Variants in TRPM8 observed in about 807,000 individuals in gnomAD.
The protein encoded by TRPM8 is TRPM8 cationic channel.
Under a neutral mutation model 133.7 loss-of-function variants are expected in TRPM8, and 110 were observed. The observed-to-expected ratio is 0.82, with a 90% CI of 0.70 to 0.96. The LOEUF (loss-of-function observed/expected upper bound fraction) is 0.96, where lower values mean the gene tolerates loss of function less well. TRPM8 is among the 40% of genes least tolerant of loss of function. TRPM8 has a pLI of 0.00. For synonymous variants in TRPM8, 535 were observed against 532.3 expected, an observed-to-expected ratio of 1.01 and a Z score of -0.07; for missense variants, 1,291 against 1,379.5, an observed-to-expected ratio of 0.94 and a Z score of 1.02.
chr2:233,980,154 G>T, intron 17 of TRPM8, 34 bp from the exon 18 acceptor site: 1 of 1,390,052 alleles, frequency 7.2e-7, no homozygotes. Flanking sequence ...TTTCCAAGCT[G>T]CTGATGTCCC....
chr2:233,962,309 G>A (rs1574730022), intron 12 of TRPM8, among the ~76,000 whole-genome samples: 1 of 152,268 alleles, frequency 6.6e-6, no homozygotes. Flanking sequence ...ACCCCCACTT[G>A]AAGGAGCTGA....
chr2:233,967,303 C>T (rs746182818), intron 15 of TRPM8, among the ~76,000 whole-genome samples: 7 of 152,202 alleles, frequency 4.6e-5, no homozygotes, highest in Non-Finnish European at 1.0e-4. Flanking sequence ...GTGAATGAAT[C>T]GTAGTTTGCA....
intron 19 of TRPM8, 117 bp from the exon 20 acceptor site, chr2:233,982,936 T>C (rs1559540792): frequency 9.0e-7 from 1 of 1,116,004 alleles, no homozygotes; most frequent in South Asian, 1.5e-5. Context: ...GTGACTTAGA[T>C]GCTCTGAGCC....
At chr2:234,005,106 T>C (rs1692660755) in intron 22 of TRPM8, among the ~76,000 whole-genome samples, 1 of 152,244 alleles carries the variant, frequency 6.6e-6, no homozygotes, top group Non-Finnish European at 1.5e-5. Context: ...TTGAGTTATT[T>C]CTAAAGAGAA....
intron 24 of TRPM8, among the ~76,000 whole-genome samples, chr2:234,011,804 C>T (rs1325139319): frequency 6.7e-6 from 1 of 149,824 alleles, no homozygotes. Context: ...GTAGTCCCAG[C>T]TACTCTGGAG....
At chr2:233,974,045 T>C (rs940290338) in intron 17 of TRPM8, among the ~76,000 whole-genome samples, 1 of 152,114 alleles carries the variant, frequency 6.6e-6, no homozygotes, top group African/African-American at 2.4e-5. Flanking sequence ...AGCTTAGCTT[T>C]TGCAAGAGGG....
At position 234,017,451 on chromosome 2, in the gene TRPM8, G is replaced by A. The variant is rs893617596; in HGVS notation, c.*195G>A. Reference sequence around the variant, plus strand: ...GTGATTGGTTTCATACTTGAAGACGGATATAAAGGAAGAATATTTCCTTTA... The same window carrying A: ...GTGATTGGTTTCATACTTGAAGACGAATATAAAGGAAGAATATTTCCTTTA... On this transcript the variant is annotated 3_prime_UTR_variant, in exon 26 of 26. Coordinates refer to ENST00000324695, the MANE Select transcript of TRPM8 (RefSeq NM_024080.5). 2.5e-5 allele frequency: 11 copies of A among 446,280 alleles called. No individual in the cohort carries two copies. The highest frequency in any genetic ancestry group is 5.1e-5 in the Non-Finnish European group (11 of 217,096). The allele number at this position is 446,280 out of a possible 1,614,324, so 27.6% of individuals were successfully genotyped here.
chr2:233,974,985 T>C (rs115203020), intron 17 of TRPM8, among the ~76,000 whole-genome samples: 1 of 152,012 alleles, frequency 6.6e-6, no homozygotes, highest in African/African-American at 2.4e-5. Flanking sequence ...ACTTACTGAA[T>C]TTTTTTTGAC....
At position 233,939,144 on chromosome 2, in the gene TRPM8, C is replaced by A. The variant is rs1690839211; in HGVS notation, c.495C>A (p.Phe165Leu). ...FALKPRMRKIFSRLIYIAQSK... is the reference protein window; with the variant it reads ...FALKPRMRKILSRLIYIAQSK... ...TGAAGCCGCGCATGCGCAAGATCTT[C>A]AGCCGGCTCATCTACATCGCGCAGT... is the stretch of plus-strand genomic sequence containing the variant. The change falls in exon 5 of 26, where the codon TTC (phenylalanine) becomes TTA (leucine). Residue 165 changes from phenylalanine to leucine, a missense_variant. Phe to Leu is a conservative substitution (Grantham distance 22, BLOSUM62 0). Transcript: ENST00000324695. The A allele has an allele frequency of 6.2e-7, 1 of 1,614,014 alleles. No homozygotes were observed. Among genetic ancestry groups the A allele is most frequent in the Admixed American group, 1.7e-5 (1 of 60,012 alleles).
intron 3 of TRPM8, among the ~76,000 whole-genome samples, chr2:233,936,346 G>T (rs1016654293): frequency 5.9e-5 from 9 of 152,218 alleles, no homozygotes; most frequent in Admixed American, 2.0e-4. Context: ...ATTTACCACT[G>T]ACTGCGTTTC....
chr2:233,985,825 A>C lies in TRPM8; in HGVS notation c.2899A>C (p.Thr967Pro), dbSNP rs1335105286. 1 of 1,613,944 alleles carries C rather than the reference A, an allele frequency of 6.2e-7. No homozygotes were observed. The highest frequency in any genetic ancestry group is 1.3e-5 in the African/African-American group (1 of 74,872). ...IPLVCIYMLS[T>P]NILLVNLLVA... ...CCTGGTGTGCATCTACATGTTATCC[A>C]CCAACATCCTGCTGGTCAACCTGCT... The change falls in exon 21 of 26, where the codon ACC (threonine) becomes CCC (proline). Residue 967 changes from threonine to proline, a missense_variant. Around this residue, in one of 2 missense-constraint regions of TRPM8, gnomAD observed 328 missense variants for 410.6 expected, o/e 0.80. Transcript: ENST00000324695.
At position 234,018,244 on chromosome 2, in the gene TRPM8, A is replaced by G. The variant is rs1176780535; in HGVS notation, c.*988A>G. On this transcript the variant is annotated 3_prime_UTR_variant, in exon 26 of 26. Coordinates refer to ENST00000324695, the MANE Select transcript of TRPM8 (RefSeq NM_024080.5). ...TATCAAATATGTTTTTATTATATTC[A>G]TAGCCTTCTTAAACATTATATCAAT... 1.3e-5 allele frequency: 2 copies of G among 151,998 alleles called. No individual in the cohort carries two copies. Among genetic ancestry groups the G allele is most frequent in the African/African-American group, 2.4e-5 (1 of 41,392 alleles). 9.4% of individuals were successfully genotyped at this position (151,998 alleles called of 1,614,324 possible).
chr2:234,003,336 G>C (rs1340715158), intron 22 of TRPM8, among the ~76,000 whole-genome samples: 1 of 152,204 alleles, frequency 6.6e-6, no homozygotes, highest in East Asian at 1.9e-4. Flanking sequence ...TGTAATTGCT[G>C]TTCTTAATGA....
chr2:234,019,302 T>C lies in TRPM8; in HGVS notation c.*2046T>C, dbSNP rs1157400567. ...AACTGTTAAATGTTTTCAACCCAGT[T>C]CATCTGGTGGATGTTTTTGCAGGTT... On this transcript the variant is annotated 3_prime_UTR_variant, in exon 26 of 26. Transcript: ENST00000324695. 1.3e-5 allele frequency: 2 copies of C among 152,212 alleles called. No individual in the cohort carries two copies. The highest frequency in any genetic ancestry group is 2.9e-5 in the Non-Finnish European group (2 of 68,040). 9.4% of individuals were successfully genotyped at this position (152,212 alleles called of 1,614,324 possible).
chr2:233,935,462 T>C (rs749971969), intron 3 of TRPM8, among the ~76,000 whole-genome samples: 8 of 152,096 alleles, frequency 5.3e-5, no homozygotes, highest in Non-Finnish European at 1.2e-4. Flanking sequence ...ACAAACTTTA[T>C]TGTGGGGTCT....
At chr2:233,938,248 T>C (rs935378514) in intron 4 of TRPM8, among the ~76,000 whole-genome samples, 1 of 152,208 alleles carries the variant, frequency 6.6e-6, no homozygotes, top group African/African-American at 2.4e-5. Flanking sequence ...TTCAAACGCC[T>C]CAAGTCACCC....
At chr2:233,996,199 G>A in intron 21 of TRPM8, 127 bp from the exon 22 acceptor site, 1 of 773,842 alleles carries the variant, frequency 1.3e-6, no homozygotes, top group Non-Finnish European at 2.0e-6. Flanking sequence ...TATCACTCTG[G>A]ATTCTTCTCT....
intron 12 of TRPM8, among the ~76,000 whole-genome samples, chr2:233,961,630 CTTT>C (rs57935574): frequency 1.9e-4 from 21 of 111,660 alleles, no homozygotes; most frequent in East Asian, 2.4e-4. Flanking sequence ...CTTTTCTTTT[CTTT>C]TTTTTTTTTT....
At chr2:233,993,492 A>G (rs528598407) in intron 21 of TRPM8, among the ~76,000 whole-genome samples, 1 of 152,304 alleles carries the variant, frequency 6.6e-6, no homozygotes, top group East Asian at 1.9e-4. Context: ...TGTCAAAAGA[A>G]GCAGTATTCA....
Sources: gnomAD v4.1 joint callset for allele counts (sites outside exome capture counted in the v4.1 genomes callset) on GRCh38, gnomAD v4.1.1 for gene constraint, gnomAD v4.1.1 regional missense constraint, MANE v1.5 for transcripts, NCBI Gene and HGNC (gene_info 2026-07-23, HGNC 2026-07-21) for gene names.